Variants in PPARA observed in about 807,000 individuals in gnomAD.
The protein encoded by PPARA is peroxisome proliferator-activated receptor alpha.
In PPARA, 22 loss-of-function variants were observed where a neutral mutation model predicts 42.2. The observed-to-expected ratio is 0.52, with a 90% CI of 0.37 to 0.74. The LOEUF is 0.74. PPARA is among the 30% of genes least tolerant of loss of function. PPARA has a pLI of 0.00. For synonymous variants in PPARA, 242 were observed against 239.3 expected (o/e 1.01, Z -0.10); for missense variants, 465 against 608.2 (o/e 0.76, Z 2.48).
At chr22:46,154,703 C>A (rs1453301284) in intron 2 of PPARA, among the ~76,000 whole-genome samples, 1 of 151,724 alleles carries the variant, frequency 6.6e-6, no homozygotes, top group Non-Finnish European at 1.5e-5. Context: ...GACAGGGTCT[C>A]ACTGTGTCAC....
rs556163983 is a variant in PPARA, at chr22:46,216,315, G to A, written c.369+982G>A. On this transcript the variant is annotated intron_variant, in intron 5 of 8. Coordinates refer to ENST00000407236, the MANE Select transcript of PPARA (RefSeq NM_005036.6). The surrounding 1 kb of genome is among the most constrained non-coding windows in gnomAD (Gnocchi z 4.5). ...GGAGAATTGCTTGAACTCAGGAGGC[G>A]GAGGTTGCAGTGAGCTGAGATCGAG... Among the ~76,000 whole-genome samples, 13 of 151,698 alleles carry A rather than the reference G, an allele frequency of 8.6e-5. No individual in the cohort carries two copies. Among genetic ancestry groups the A allele is most frequent in the East Asian group, 1.9e-4 (1 of 5,158 alleles).
chr22:46,185,164 C>G (rs1438827798), intron 3 of PPARA, among the ~76,000 whole-genome samples: 1 of 152,194 alleles, frequency 6.6e-6, no homozygotes, highest in Non-Finnish European at 1.5e-5. Flanking sequence ...GACTGGTCCT[C>G]TCTTACTTCT....
Position 46,192,892 on chromosome 22 carries a change from A to C in PPARA, c.-42-5450A>C, listed in dbSNP as rs1931748585. On this transcript the variant is annotated intron_variant, in intron 3 of 8. Transcript: ENST00000407236. The surrounding 1 kb of genome is among the most constrained non-coding windows in gnomAD (Gnocchi z 4.3). Reference sequence around the variant, plus strand: ...ATCCAGGCACAGAAAGACAAACTTCACATGTTCTCACTTATTTGTGGGCTC... The same window carrying C: ...ATCCAGGCACAGAAAGACAAACTTCCCATGTTCTCACTTATTTGTGGGCTC... Among the ~76,000 whole-genome samples the C allele has an allele frequency of 6.6e-6, 1 of 152,216 alleles. No individual in the cohort carries two copies. Among genetic ancestry groups the C allele is most frequent in the Non-Finnish European group, 1.5e-5 (1 of 68,030 alleles).
chr22:46,240,513 G>C lies in PPARA; in HGVS notation c.*5133G>C, dbSNP rs953144083. The C allele has an allele frequency of 2.7e-6, 1 of 364,756 alleles. No individual in the cohort carries two copies. The highest frequency in any genetic ancestry group is 4.9e-6 in the Non-Finnish European group (1 of 205,218). The allele number at this position is 364,756 out of a possible 1,614,324, so 22.6% of individuals were successfully genotyped here. A position where few individuals can be genotyped will look rare whatever the true frequency, so the allele number is the denominator to read the frequency against. On this transcript the variant is annotated 3_prime_UTR_variant, in exon 9 of 9. Transcript: ENST00000407236. This position sits in a 1 kb window ranked among gnomAD's most constrained non-coding sequence, Gnocchi z 6.0. ...ATGGTTGGCCTGATGCAGGGATCCC[G>C]AGGGATTACTTTTTAGACCTTCTTT...
chr22:46,214,836 C>T (rs962647413), intron 4 of PPARA, among the ~76,000 whole-genome samples: 1 of 123,170 alleles, frequency 8.1e-6, no homozygotes, highest in African/African-American at 3.1e-5. Flanking sequence ...ATGTGCGGGG[C>T]GGGATGTGTG....
chr22:46,185,937 AT>A (rs1930702655), intron 3 of PPARA, among the ~76,000 whole-genome samples: 1 of 47,612 alleles, frequency 2.1e-5, no homozygotes, highest in Non-Finnish European at 4.5e-5. Flanking sequence ...ATATATATAT[AT>A]ATATATATAT....
intron 4 of PPARA, among the ~76,000 whole-genome samples, chr22:46,213,939 CAT>C (rs535187081): frequency 1.7e-4 from 26 of 152,332 alleles, no homozygotes; most frequent in Middle Eastern, 6.8e-3. Context: ...TATATTACCA[CAT>C]GTGTATTGAA....
Position 46,158,808 on chromosome 22 carries a change from A to T in PPARA, c.-127+6838A>T, listed in dbSNP as rs147028816. ...ATATTGCCCTCTGCCTAGGATTATG[A>T]GTAAATTTGATAAATTCTAGACTGC... On this transcript the variant is annotated intron_variant, in intron 2 of 8. Coordinates refer to ENST00000407236, the MANE Select transcript of PPARA (RefSeq NM_005036.6). 1.9e-3 allele frequency among the ~76,000 whole-genome samples: 292 copies of T among 152,326 alleles called. 3 individuals carry two copies. Among genetic ancestry groups the T allele is most frequent in the African/African-American group, 6.7e-3 (280 of 41,576 alleles).
In PPARA at chr22:46,239,408, C is replaced by A. The variant is rs1346086562; in HGVS notation, c.*4028C>A. The A allele has an allele frequency of 3.3e-5, 5 of 151,476 alleles. No homozygotes were observed. Among genetic ancestry groups the A allele is most frequent in the African/African-American group, 1.2e-4 (5 of 41,140 alleles). 9.4% of individuals were successfully genotyped at this position (151,476 alleles called of 1,614,324 possible). On this transcript the variant is annotated 3_prime_UTR_variant, in exon 9 of 9. Transcript: ENST00000407236. Reference sequence around the variant, plus strand: ...GCCATGCTAGAGCTGAGGCGCACAGCCTGTGGCCTCTGTAGTTAGGGCAGG... The same window carrying A: ...GCCATGCTAGAGCTGAGGCGCACAGACTGTGGCCTCTGTAGTTAGGGCAGG...
rs1934842707 is a variant in PPARA at position 46,219,755 on chromosome 22, T to C, written c.509-57T>C. On this transcript the variant is annotated intron_variant, in intron 6 of 8. Transcript: ENST00000407236. This position sits in a 1 kb window ranked among gnomAD's most constrained non-coding sequence, Gnocchi z 4.8. ...CCTGGGGGAGCCCCTCGTCCAGCCC[T>C]GTCCGCGCAGTCATGACCTCACTGC... The C allele has an allele frequency of 1.5e-5, 24 of 1,568,070 alleles. No homozygotes were observed. The South Asian group carries it at 1.8e-4, about 12-fold the overall frequency.
intron 7 of PPARA, among the ~76,000 whole-genome samples, chr22:46,229,285 C>CA (rs1935701574): frequency 6.6e-6 from 1 of 152,006 alleles, no homozygotes; most frequent in Non-Finnish European, 1.5e-5. Flanking sequence ...CACAGTGGCT[C>CA]ACGCATGTAA....
chr22:46,158,404 GT>G (rs1479847005), intron 2 of PPARA, among the ~76,000 whole-genome samples: 3 of 152,182 alleles, frequency 2.0e-5, no homozygotes, highest in Admixed American at 2.0e-4. Context: ...GAGGCCCCAA[GT>G]TTTTTTGCAT....
chr22:46,159,388 T>C (rs1390559417), intron 2 of PPARA, among the ~76,000 whole-genome samples: 4 of 152,206 alleles, frequency 2.6e-5, no homozygotes, highest in Non-Finnish European at 5.9e-5. Flanking sequence ...AGCAGCGTAT[T>C]TTGCTTGAGT....
In PPARA at chr22:46,160,844, G is replaced by A. The variant is rs552911210; in HGVS notation, c.-127+8874G>A. Reference sequence around the variant, plus strand: ...ACTCCTGGGCTCAAGTGATCTGTCCGCCTTGGCCTCCCAAAGTGTTGGGAT... The same window carrying A: ...ACTCCTGGGCTCAAGTGATCTGTCCACCTTGGCCTCCCAAAGTGTTGGGAT... On this transcript the variant is annotated intron_variant, in intron 2 of 8. Coordinates refer to ENST00000407236, the MANE Select transcript of PPARA (RefSeq NM_005036.6). The surrounding 1 kb of genome is among the most constrained non-coding windows in gnomAD (Gnocchi z 4.5). Among the ~76,000 whole-genome samples, 2 of 152,186 alleles carry A rather than the reference G, an allele frequency of 1.3e-5. No homozygotes were observed. The highest frequency in any genetic ancestry group is 6.5e-5 in the Admixed American group (1 of 15,272).
intron 4 of PPARA, among the ~76,000 whole-genome samples, chr22:46,206,263 G>A (rs1184924934): frequency 2.9e-5 from 4 of 139,374 alleles, no homozygotes; most frequent in East Asian, 1.9e-4. Context: ...CACCACGCCC[G>A]GCTAATTTGT....
Position 46,162,980 on chromosome 22 carries a change from A to G in PPARA, c.-127+11010A>G, listed in dbSNP as rs1484786167. Among the ~76,000 whole-genome samples the G allele has an allele frequency of 6.6e-6, 1 of 152,238 alleles. No homozygotes were observed. Among genetic ancestry groups the G allele is most frequent in the East Asian group, 1.9e-4 (1 of 5,198 alleles). ...CGTGCCAGGCACTGTCCTGCTGTGGAAAACAGCAGGCATGATTCCCTGCCA... is the reference window on the plus strand; with the variant it reads ...CGTGCCAGGCACTGTCCTGCTGTGGGAAACAGCAGGCATGATTCCCTGCCA... On this transcript the variant is annotated intron_variant, in intron 2 of 8. Coordinates refer to ENST00000407236, the MANE Select transcript of PPARA (RefSeq NM_005036.6). This position sits in a 1 kb window ranked among gnomAD's most constrained non-coding sequence, Gnocchi z 6.0.
chr22:46,214,064 A>T (rs1007352377), intron 4 of PPARA, among the ~76,000 whole-genome samples: 3 of 152,128 alleles, frequency 2.0e-5, no homozygotes, highest in Non-Finnish European at 4.4e-5. Context: ...TCTTTCATGG[A>T]TTGTGCATTT....
rs1934548575 is a variant in PPARA, at chr22:46,216,952, A to G, written c.370-1311A>G. Among the ~76,000 whole-genome samples the G allele has an allele frequency of 6.6e-6, 1 of 152,228 alleles. No homozygotes were observed. Among genetic ancestry groups the G allele is most frequent in the African/African-American group, 2.4e-5 (1 of 41,472 alleles). ...AATCAGAAATCCCTTCTCACGGTGC[A>G]CGCTGCAGGTGTTCACTAACTTGGA... On this transcript the variant is annotated intron_variant, in intron 5 of 8. Transcript: ENST00000407236. This position sits in a 1 kb window ranked among gnomAD's most constrained non-coding sequence, Gnocchi z 4.5.
chr22:46,217,819 C>CTTCTTTTTTTTTT (rs1934626358), intron 5 of PPARA, among the ~76,000 whole-genome samples: 1 of 77,046 alleles, frequency 1.3e-5, no homozygotes, highest in African/African-American at 6.2e-5. Flanking sequence ...CTATTTCTTT[C>CTTCTTTTTTTTTT]TTTTTTTTTT....
Sources: allele counts gnomAD v4.1 joint callset (sites outside exome capture counted in the v4.1 genomes callset), GRCh38; gene constraint gnomAD v4.1.1; non-coding constraint Gnocchi (gnomAD v3.1); transcripts MANE v1.5; gene names NCBI Gene and HGNC (gene_info 2026-07-23, HGNC 2026-07-21).